Variants in ZKSCAN5 observed in about 807,000 individuals in gnomAD.
ZKSCAN5 encodes zinc finger protein with KRAB and SCAN domains 5.
Under a neutral mutation model 60.0 loss-of-function variants are expected in ZKSCAN5, and 28 were observed. The observed-to-expected ratio is 0.47, with a 90% CI of 0.35 to 0.64. The LOEUF (loss-of-function observed/expected upper bound fraction) is 0.64, where lower values mean the gene tolerates loss of function less well. Among genes scored for constraint, ZKSCAN5 ranks in the 30% least tolerant of loss-of-function variants. The pLI is 0.01. For missense variants in ZKSCAN5, 881 were observed against 1,034.6 expected (o/e 0.85, Z 2.04); for synonymous variants, 361 against 371.2 (o/e 0.97, Z 0.31).
At chr7:99,508,205 AG>A (rs1455903246) in intron 2 of ZKSCAN5, among the ~76,000 whole-genome samples, 5 of 151,668 alleles carry the variant, frequency 3.3e-5, no homozygotes, top group Admixed American at 3.3e-4. Flanking sequence ...AGGCTGAGGC[AG>A]GAGAATCGCT....
At chr7:99,507,531 G>A (rs868322920) in intron 2 of ZKSCAN5, among the ~76,000 whole-genome samples, 78 of 141,864 alleles carry the variant, frequency 5.5e-4, no homozygotes, top group Non-Finnish European at 9.6e-4. Context: ...ATGTATATGT[G>A]TATATATATA....
At chr7:99,514,592 C>G (rs973095241) in intron 3 of ZKSCAN5, among the ~76,000 whole-genome samples, 1 of 149,730 alleles carries the variant, frequency 6.7e-6, no homozygotes, top group South Asian at 2.1e-4. Context: ...GGCAATGTGG[C>G]GAAAACTCAC....
chr7:99,527,548 G>A (rs1405654891), intron 6 of ZKSCAN5, among the ~76,000 whole-genome samples: 1 of 151,972 alleles, frequency 6.6e-6, no homozygotes, highest in African/African-American at 2.4e-5. Flanking sequence ...GGGCTGTTCA[G>A]CCCTCCTTTT....
Position 99,506,163 on chromosome 7 carries a change from A to G in ZKSCAN5, c.119A>G (p.Glu40Gly). Reference protein sequence around the residue: ...VEEEDCTWMQEYNPPTFETFY... With the variant: ...VEEEDCTWMQGYNPPTFETFY... The stretch of plus-strand genomic sequence containing the variant: ...GAAGAAGACTGCACCTGGATGCAGG[A>G]GTACAACCCGCCAACGTTTGAGACT... The change falls in exon 2 of 7, where the codon GAG becomes GGG. Residue 40 changes from glutamate to glycine, a missense_variant. By Grantham distance (98) the Glu-to-Gly change is moderately conservative. Around this residue, in one of 5 missense-constraint regions of ZKSCAN5, gnomAD observed 88 missense variants for 65.2 expected, o/e 1.35. Transcript: ENST00000326775. 6.2e-7 allele frequency: 1 copy of G among 1,614,188 alleles called. No individual in the cohort carries two copies. The highest frequency in any genetic ancestry group is 8.5e-7 in the Non-Finnish European group (1 of 1,180,038).
rs530125099 is a variant in ZKSCAN5 at position 99,520,374 on chromosome 7, T to C, written c.772+70T>C. ...TTATCTTGTAAAGAGTATTTCTGGCTCATCTTATAATGGCATTTATGTTTT... is the reference window on the plus strand; with the variant it reads ...TTATCTTGTAAAGAGTATTTCTGGCCCATCTTATAATGGCATTTATGTTTT... On this transcript the variant is annotated intron_variant, in intron 5 of 6. Coordinates refer to ENST00000326775, the MANE Select transcript of ZKSCAN5 (RefSeq NM_145102.4). 3 of 1,495,770 alleles carry C rather than the reference T, an allele frequency of 2.0e-6. No individual in the cohort carries two copies. The African/African-American group carries it at 4.2e-5, about 21-fold the overall frequency. The allele number at this position is 1,495,770 out of a possible 1,614,324, so 92.7% of individuals were successfully genotyped here.
intron 6 of ZKSCAN5, among the ~76,000 whole-genome samples, 173 bp from the exon 7 acceptor site, chr7:99,530,935 T>C (rs1802012765): frequency 6.6e-6 from 1 of 152,032 alleles, no homozygotes; most frequent in Non-Finnish European, 1.5e-5. Context: ...TGCACGCCTG[T>C]AGTCTCAGCT....
At chr7:99,515,810 G>A (rs1275234841) in intron 3 of ZKSCAN5, among the ~76,000 whole-genome samples, 2 of 150,714 alleles carry the variant, frequency 1.3e-5, no homozygotes, top group Non-Finnish European at 3.0e-5. Flanking sequence ...CTCCAGCCTG[G>A]GCGACAAAGC....
intron 3 of ZKSCAN5, among the ~76,000 whole-genome samples, chr7:99,519,151 T>C (rs780319152): frequency 2.7e-5 from 4 of 150,712 alleles, no homozygotes; most frequent in Non-Finnish European, 5.9e-5. Context: ...AATTTTTGTA[T>C]TTTTAGTAGA....
chr7:99,507,141 G>A (rs1404129583), intron 2 of ZKSCAN5, among the ~76,000 whole-genome samples: 1 of 152,098 alleles, frequency 6.6e-6, no homozygotes, highest in Non-Finnish European at 1.5e-5. Context: ...ACCATATTCT[G>A]TATGTATAAG....
At chr7:99,523,733 G>C (rs192418904) in intron 5 of ZKSCAN5, among the ~76,000 whole-genome samples, 3 of 152,204 alleles carry the variant, frequency 2.0e-5, no homozygotes. Flanking sequence ...AACATAAAAA[G>C]TCTGGTTTTG....
At position 99,524,130 on chromosome 7, in the gene ZKSCAN5, G is replaced by A. The variant is rs189893406; in HGVS notation, c.773-1683G>A. Among the ~76,000 whole-genome samples the A allele has an allele frequency of 8.6e-5, 13 of 151,386 alleles. No individual in the cohort carries two copies. The East Asian group carries it at 2.5e-3, about 29-fold the overall frequency. On this transcript the variant is annotated intron_variant, in intron 5 of 6. Coordinates refer to ENST00000326775, the MANE Select transcript of ZKSCAN5 (RefSeq NM_145102.4). ...CTGTCACCCAGACTGGAGTGCAGTG[G>A]TGTGATCTCAACTCACTGCAACCTC...
In ZKSCAN5 at chr7:99,520,189, G is replaced by A; in HGVS notation, c.657G>A (p.Glu219=). ...TGSQKLVKIE[E]VADVAVSFIL... ...TTCAGAAGTTGGTGAAAATTGAAGA[G>A]GTGGCTGATGTGGCTGTATCCTTCA... Residue 219 remains glutamate, a synonymous_variant, in exon 5 of 7, where the codon GAG becomes GAA. Transcript: ENST00000326775. The A allele has an allele frequency of 6.2e-7, 1 of 1,613,628 alleles. No homozygotes were observed. Among genetic ancestry groups the A allele is most frequent in the Non-Finnish European group, 8.5e-7 (1 of 1,179,944 alleles).
rs767745942 is a variant in ZKSCAN5, at chr7:99,526,459, G to A, written c.1378+41G>A. The A allele has an allele frequency of 3.9e-5, 61 of 1,564,538 alleles. 1 individual carries two copies. Among genetic ancestry groups the A allele is most frequent in the South Asian group, 8.3e-5 (7 of 84,210 alleles). On this transcript the variant is annotated intron_variant, in intron 6 of 6. Coordinates refer to ENST00000326775, the MANE Select transcript of ZKSCAN5 (RefSeq NM_145102.4). ...TTATATCCGGGGGATAAATGGAGGC[G>A]AAAAGCAAAAGGTGTTTTATTAGTA...
Position 99,518,432 on chromosome 7 carries a change from A to T in ZKSCAN5, c.554-1395A>T, listed in dbSNP as rs527914765. On this transcript the variant is annotated intron_variant, in intron 3 of 6. Coordinates refer to ENST00000326775, the MANE Select transcript of ZKSCAN5 (RefSeq NM_145102.4). ...CGAGACTCTGTCTCCAAAAAAAAAA[A>T]TTTTTTTTAATTAAATTAAAAAATG... Among the ~76,000 whole-genome samples, 419 of 151,718 alleles carry T rather than the reference A, an allele frequency of 2.8e-3. 2 individuals are homozygous for T. Among genetic ancestry groups the T allele is most frequent in the African/African-American group, 9.0e-3 (371 of 41,378 alleles).
intron 6 of ZKSCAN5, among the ~76,000 whole-genome samples, chr7:99,529,985 C>T (rs559400729): frequency 1.1e-4 from 16 of 146,812 alleles, no homozygotes; most frequent in African/African-American, 3.3e-4. Flanking sequence ...CCACCCACCT[C>T]GGCTTCCCAA....
At chr7:99,518,270 A>G (rs1399727769) in intron 3 of ZKSCAN5, among the ~76,000 whole-genome samples, 2 of 151,740 alleles carry the variant, frequency 1.3e-5, no homozygotes, top group East Asian at 1.9e-4. Context: ...AAACTACAAA[A>G]ATTAGCCAAG....
Position 99,532,200 on chromosome 7 carries a change from A to C in ZKSCAN5, c.2471A>C (p.Glu824Ala). ...CTCTTTAAACACCTGAGAAGCCATGAGAGGACAGATCCCATAAATACCTTA... is the reference window on the plus strand; with the variant it reads ...CTCTTTAAACACCTGAGAAGCCATGCGAGGACAGATCCCATAAATACCTTA... ...CSLFKHLRSH[E>A]RTDPINTLSV... Residue 824 changes from glutamate to alanine, a missense_variant, in exon 7 of 7, where the codon GAG (glutamate) becomes GCG (alanine). Physicochemically the swap from Glu to Ala is moderately radical, Grantham distance 107. Transcript: ENST00000326775. 6.2e-7 allele frequency: 1 copy of C among 1,611,540 alleles called. No individual in the cohort carries two copies. The highest frequency in any genetic ancestry group is 8.5e-7 in the Non-Finnish European group (1 of 1,179,248).
At chr7:99,506,642 G>T (rs1201166459) in intron 2 of ZKSCAN5, among the ~76,000 whole-genome samples, 184 bp downstream of exon 2, 3 of 152,148 alleles carry the variant, frequency 2.0e-5, no homozygotes, top group African/African-American at 7.2e-5. Context: ...ACCTGTAGAA[G>T]ACAATCTGCG....
At chr7:99,529,006 A>G (rs1203147102) in intron 6 of ZKSCAN5, among the ~76,000 whole-genome samples, 4 of 152,078 alleles carry the variant, frequency 2.6e-5, no homozygotes, top group Non-Finnish European at 4.4e-5. Flanking sequence ...CCCTCTGACA[A>G]TGCTTCTTGT....
Sources: gnomAD v4.1 joint callset for allele counts (sites outside exome capture counted in the v4.1 genomes callset) on GRCh38, gnomAD v4.1.1 for gene constraint, gnomAD v4.1.1 regional missense constraint, MANE v1.5 for transcripts, NCBI Gene and HGNC (gene_info 2026-07-23, HGNC 2026-07-21) for gene names.